Variants in SLC7A14 observed in about 807,000 individuals in gnomAD.
SLC7A14 encodes solute carrier family 7 member 14.
A neutral mutation model predicts 60.2 loss-of-function variants in SLC7A14; 37 were observed. The observed-to-expected ratio is 0.61, with a 90% confidence interval of 0.47 to 0.81. The LOEUF is 0.81. SLC7A14 is among the 30% of genes least tolerant of loss of function. The pLI is 0.00. For missense variants in SLC7A14, 886 were observed against 982.7 expected, an observed-to-expected ratio of 0.90 and a Z score of 1.32; for synonymous variants, 399 against 395.8, an observed-to-expected ratio of 1.01 and a Z score of -0.10.
At chr3:170,482,994 G>A (rs1414808486) in intron 6 of SLC7A14, among the ~76,000 whole-genome samples, 4 of 151,806 alleles carry the variant, frequency 2.6e-5, no homozygotes, top group African/African-American at 4.8e-5. Flanking sequence ...TCCCTAGGAT[G>A]GTTCTTCCTT....
At chr3:170,516,232 T>C (rs1410656547) in intron 2 of SLC7A14, among the ~76,000 whole-genome samples, 1 of 152,186 alleles carries the variant, frequency 6.6e-6, no homozygotes, top group Non-Finnish European at 1.5e-5. Context: ...TACATGAACT[T>C]TACAACACCT....
Position 170,498,811 on chromosome 3 carries a change from C to T in SLC7A14, c.615G>A (p.Leu205=), listed in dbSNP as rs145808793. The T allele has an allele frequency of 1.5e-4, 247 of 1,614,166 alleles. 1 individual carries two copies. The African/African-American group carries it at 2.4e-3, about 16-fold the overall frequency. Residue 205 remains leucine (L), a synonymous_variant, in exon 4 of 8, where the codon CTG becomes CTA. Coordinates refer to ENST00000231706, the MANE Select transcript of SLC7A14 (RefSeq NM_020949.3). The part of the protein sequence containing the change: ...IAVIVTIIVA[L]GVKNSIGFNN... Reference sequence around the variant, plus strand: ...TGAAGCCTATGGAATTCTTCACCCCCAGAGCAACAATGATGGTCACGATGA... The same window carrying T: ...TGAAGCCTATGGAATTCTTCACCCCTAGAGCAACAATGATGGTCACGATGA...
chr3:170,481,463 G>A (rs1188595424), intron 6 of SLC7A14, among the ~76,000 whole-genome samples: 3 of 147,474 alleles, frequency 2.0e-5, no homozygotes, highest in East Asian at 2.0e-4. Context: ...GTGCAGTGGC[G>A]TGATCTCAGC....
chr3:170,500,445 A>G (rs2108280275), intron 3 of SLC7A14, among the ~76,000 whole-genome samples: 1 of 150,466 alleles, frequency 6.6e-6, no homozygotes, highest in East Asian at 1.9e-4. Context: ...TCTCAAAAAA[A>G]AAAAAAAAAA....
Position 170,465,577 on chromosome 3 carries a change from C to G in SLC7A14, c.*1478G>C, listed in dbSNP as rs995031275. On this transcript the variant is annotated 3_prime_UTR_variant, in exon 8 of 8. Coordinates refer to ENST00000231706, the MANE Select transcript of SLC7A14 (RefSeq NM_020949.3). Reference sequence around the variant, plus strand: ...TATGTTCTGGAAAACGTTTGGCATACTGATACATCCAGGAGAGAAAGGACA... The same window carrying G: ...TATGTTCTGGAAAACGTTTGGCATAGTGATACATCCAGGAGAGAAAGGACA... The G allele has an allele frequency of 1.3e-5, 2 of 152,256 alleles. No individual in the cohort carries two copies. Among genetic ancestry groups the G allele is most frequent in the Non-Finnish European group, 2.9e-5 (2 of 68,050 alleles). The allele number at this position is 152,256 out of a possible 1,614,324, so 9.4% of individuals were successfully genotyped here.
intron 3 of SLC7A14, 77 bp from the exon 4 acceptor site, chr3:170,498,961 C>T: frequency 7.2e-7 from 1 of 1,381,614 alleles, no homozygotes; most frequent in Non-Finnish European, 1.0e-6. Flanking sequence ...TACCCCACTG[C>T]ATCCGTACTC....
At position 170,483,953 on chromosome 3, in the gene SLC7A14, G is replaced by T. The variant is rs142441507; in HGVS notation, c.907-431C>A. Reference sequence around the variant, plus strand: ...GACTCTCATTTCTCTTCTGCTTTCTGGTCCTACAGGGTTTTATCCGTACTC... The same window carrying T: ...GACTCTCATTTCTCTTCTGCTTTCTTGTCCTACAGGGTTTTATCCGTACTC... On this transcript the variant is annotated intron_variant, in intron 5 of 7. Transcript: ENST00000231706. 4.9e-3 allele frequency among the ~76,000 whole-genome samples: 752 copies of T among 152,290 alleles called. 5 individuals are homozygous for T. The highest frequency in any genetic ancestry group is 0.017 in the African/African-American group (704 of 41,552).
chr3:170,472,513 C>G (rs1433899288), intron 7 of SLC7A14, among the ~76,000 whole-genome samples: 2 of 152,098 alleles, frequency 1.3e-5, no homozygotes, highest in Non-Finnish European at 1.5e-5. Context: ...CGCCTGTAAT[C>G]CCAGCACTTT....
intron 6 of SLC7A14, among the ~76,000 whole-genome samples, chr3:170,481,910 G>A (rs1236571929): frequency 6.6e-6 from 1 of 152,140 alleles, no homozygotes; most frequent in East Asian, 1.9e-4. Context: ...CTTGGAGCTT[G>A]TTAGAAATGT....
intron 5 of SLC7A14, 110 bp downstream of exon 5, chr3:170,486,112 C>A (rs1473940463): frequency 2.1e-5 from 29 of 1,406,424 alleles, no homozygotes; most frequent in Non-Finnish European, 2.7e-5. Context: ...CTACAGGGGA[C>A]AAAAGACAGA....
Position 170,512,764 on chromosome 3 carries a change from C to T in SLC7A14, c.305-11419G>A, listed in dbSNP as rs1012300398. 7.6e-5 allele frequency among the ~76,000 whole-genome samples: 11 copies of T among 144,480 alleles called. No individual in the cohort carries two copies. The South Asian group carries it at 1.6e-3, about 21-fold the overall frequency. The allele number at this position is 144,480 out of a possible 152,430, so 94.8% of individuals were successfully genotyped here. A position where few individuals can be genotyped will look rare whatever the true frequency, so the allele number is the denominator to read the frequency against. The stretch of plus-strand genomic sequence containing the variant: ...CTGCAAGCTCCGCCTCCCGGGTTCA[C>T]GCCATTCTCCTGCCTCAGCCTCCCA... On this transcript the variant is annotated intron_variant, in intron 2 of 7. Transcript: ENST00000231706.
At chr3:170,580,085 A>C (rs748702248) in intron 1 of SLC7A14, among the ~76,000 whole-genome samples, 2 of 152,230 alleles carry the variant, frequency 1.3e-5, no homozygotes, top group Non-Finnish European at 2.9e-5. Flanking sequence ...GGAATACTGA[A>C]TTCTTGGTAG....
At position 170,486,244 on chromosome 3, in the gene SLC7A14, A is replaced by G; in HGVS notation, c.884T>C (p.Ile295Thr). 6.2e-7 allele frequency: 1 copy of G among 1,614,194 alleles called. No individual in the cohort carries two copies. The highest frequency in any genetic ancestry group is 8.5e-7 in the Non-Finnish European group (1 of 1,180,038). ...TACAGACACATATGCTGTCAGGCAG[A>G]TGACCAGGGAGGCAGTGATAGCATA... ...IPYAITASLVICLTAYVSVSV... is the reference protein window; with the variant it reads ...IPYAITASLVTCLTAYVSVSV... The change falls in exon 5 of 8, where the codon ATC (isoleucine) becomes ACC (threonine). Residue 295 changes from isoleucine to threonine, a missense_variant. By Grantham distance (89) the Ile-to-Thr change is moderately conservative (BLOSUM62 -1). Coordinates refer to ENST00000231706, the MANE Select transcript of SLC7A14 (RefSeq NM_020949.3).
intron 7 of SLC7A14, among the ~76,000 whole-genome samples, chr3:170,468,873 A>T (rs776807127): frequency 6.6e-6 from 1 of 152,184 alleles, no homozygotes; most frequent in Non-Finnish European, 1.5e-5. Flanking sequence ...CCCTGGCTGC[A>T]CTTGAAAGTC....
rs191976619 is a variant in SLC7A14 at position 170,496,506 on chromosome 3, G to C, written c.759+2161C>G. 11 of 1,497,004 alleles carry C rather than the reference G, an allele frequency of 7.3e-6. No individual in the cohort carries two copies. In the Admixed American group the frequency reaches 1.5e-4, roughly 20 times the overall value. The allele number at this position is 1,497,004 out of a possible 1,614,324, so 92.7% of individuals were successfully genotyped here. On this transcript the variant is annotated intron_variant, in intron 4 of 7. Transcript: ENST00000231706. ...CGCCAAGCGGTCGGAGCTGGAGGCCGCCCTGCAGCGGGCCAAGCAGGACAT... is the reference window on the plus strand; with the variant it reads ...CGCCAAGCGGTCGGAGCTGGAGGCCCCCCTGCAGCGGGCCAAGCAGGACAT...
chr3:170,496,573 A>C lies in SLC7A14; in HGVS notation c.759+2094T>G, dbSNP rs146163732. On this transcript the variant is annotated intron_variant, in intron 4 of 7. Coordinates refer to ENST00000231706, the MANE Select transcript of SLC7A14 (RefSeq NM_020949.3). ...GAGTACCAGGAGCTGATGAACGTCA[A>C]ACTGGCCCTGGACATGGAGATCGCC... The C allele has an allele frequency of 1.5e-4, 241 of 1,598,974 alleles. 2 individuals are homozygous for C. In the East Asian group the frequency reaches 5.2e-3, roughly 35 times the overall value.
At chr3:170,471,090 G>GGGGT (rs1553864201) in intron 7 of SLC7A14, among the ~76,000 whole-genome samples, 10 of 146,356 alleles carry the variant, frequency 6.8e-5, no homozygotes, top group African/African-American at 2.6e-4. Flanking sequence ...TCTGGGAAGG[G>GGGGT]GTGTGTGTGT....
chr3:170,467,495 CGGGG>C, intron 7 of SLC7A14, 118 bp from the exon 8 acceptor site: 1 of 143,200 alleles, frequency 7.0e-6, no homozygotes, highest in Non-Finnish European at 1.4e-5. Flanking sequence ...GCGGTGGGGG[CGGGG>C]ATGTATTTTC....
At chr3:170,488,892 A>G (rs1460538626) in intron 4 of SLC7A14, among the ~76,000 whole-genome samples, 2 of 152,104 alleles carry the variant, frequency 1.3e-5, no homozygotes, top group Non-Finnish European at 2.9e-5. Flanking sequence ...GTTATAAATA[A>G]ATCAGTATGT....
Sources: gnomAD v4.1 joint callset for allele counts (sites outside exome capture counted in the v4.1 genomes callset) on GRCh38, gnomAD v4.1.1 for gene constraint, MANE v1.5 for transcripts, NCBI Gene and HGNC (gene_info 2026-07-23, HGNC 2026-07-21) for gene names.